The following CAST variants were observed in gnomAD, a reference collection of about 807,000 sequenced individuals.
CAST encodes MIR583 host.
Under a neutral mutation model 119.6 loss-of-function variants are expected in CAST, and 76 were observed. The ratio of observed to expected loss-of-function variants is 0.64; its 90% CI spans 0.53 to 0.77. The LOEUF (loss-of-function observed/expected upper bound fraction) is 0.77. Among genes scored for constraint, CAST ranks in the 30% least tolerant of loss-of-function variants. CAST has a pLI of 0.00. For missense variants in CAST, 953 were observed against 946.5 expected (o/e 1.01, Z -0.09); for synonymous variants, 319 against 331.6 (o/e 0.96, Z 0.41).
At chr5:96,523,133 A>G (rs115694017), upstream of CAST, among the ~76,000 whole-genome samples, 446 of 152,282 alleles carry the variant, frequency 2.9e-3, 1 homozygote, top group African/African-American at 0.01. Flanking sequence ...ACCTCCATCC[A>G]TTGGCTCAGC....
At chr5:96,091,527 A>G in the CAST span, among the ~76,000 whole-genome samples, 2 of 91,542 alleles carry the variant, frequency 2.2e-5, no homozygotes, top group South Asian at 7.9e-4. Flanking sequence ...TTTTTTTGAG[A>G]TAGGGTCTTA....
At chr5:96,687,632 A>G (rs1384776127) in intron 2 of CAST, among the ~76,000 whole-genome samples, 1 of 152,194 alleles carries the variant, frequency 6.6e-6, no homozygotes, top group Non-Finnish European at 1.5e-5. Context: ...TCTCATTCCT[A>G]AATGATCTAA....
chr5:96,402,015 A>T, the CAST span, among the ~76,000 whole-genome samples: 1 of 152,202 alleles, frequency 6.6e-6, no homozygotes, highest in Admixed American at 6.5e-5. Flanking sequence ...GCATTATGTA[A>T]TAAGTAGATG....
chr5:96,708,308 C>T (rs1755427599), intron 3 of CAST, among the ~76,000 whole-genome samples: 1 of 152,096 alleles, frequency 6.6e-6, no homozygotes, highest in Non-Finnish European at 1.5e-5. Context: ...TGTTCCATCT[C>T]TTTATTTTTC....
chr5:96,611,174 A>G (rs1287386353), intron 1 of CAST, among the ~76,000 whole-genome samples: 1 of 152,226 alleles, frequency 6.6e-6, no homozygotes, highest in Admixed American at 6.5e-5. Context: ...TGGAACCAAC[A>G]GAGTCATAAT....
the CAST span, among the ~76,000 whole-genome samples, chr5:96,412,752 G>GTTTTTTTTTTGTTGTTTTT: frequency 5.6e-5 from 4 of 71,832 alleles, no homozygotes; most frequent in African/African-American, 2.7e-4. Flanking sequence ...CAGCTGTGAT[G>GTTTTTTTTTTGTTGTTTTT]TTTTTTTTTT....
chr5:96,336,202 A>G, the CAST span, among the ~76,000 whole-genome samples: 21 of 151,642 alleles, frequency 1.4e-4, no homozygotes, highest in Non-Finnish European at 2.7e-4. Context: ...CCCTATTTTG[A>G]CTCCAACTCT....
At chr5:96,259,606 G>A in the CAST span, among the ~76,000 whole-genome samples, 2 of 152,266 alleles carry the variant, frequency 1.3e-5, no homozygotes, top group South Asian at 4.1e-4. Context: ...CGATCACAGT[G>A]AGCCCTGTTC....
chr5:96,489,391 A>G, the CAST span, among the ~76,000 whole-genome samples: 1 of 149,548 alleles, frequency 6.7e-6, no homozygotes, highest in African/African-American at 2.4e-5. Context: ...ATGCACAACC[A>G]CAGAGAGTGA....
At chr5:96,188,637 C>G in the CAST span, among the ~76,000 whole-genome samples, 15 of 152,104 alleles carry the variant, frequency 9.9e-5, no homozygotes, top group African/African-American at 3.4e-4. Flanking sequence ...TTCCCTCCCC[C>G]CTTTAATATC....
At chr5:96,162,537 C>A in the CAST span, among the ~76,000 whole-genome samples, 1 of 152,124 alleles carries the variant, frequency 6.6e-6, no homozygotes, top group Non-Finnish European at 1.5e-5. Flanking sequence ...CCTGCCTTAG[C>A]CTCCTGAGTA....
chr5:96,529,708 T>A, upstream of CAST: 1 of 331,142 alleles, frequency 3.0e-6, no homozygotes, highest in Non-Finnish European at 6.0e-6. Flanking sequence ...GTGGGGGCAG[T>A]TTCCCCCATC....
At chr5:96,198,171 G>A in the CAST span, among the ~76,000 whole-genome samples, 1 of 152,136 alleles carries the variant, frequency 6.6e-6, no homozygotes, top group Admixed American at 6.5e-5. Context: ...ATGGGCTGAT[G>A]AGAGACTGGT....
chr5:96,152,430 G>A, the CAST span, among the ~76,000 whole-genome samples: 1 of 152,174 alleles, frequency 6.6e-6, no homozygotes, highest in African/African-American at 2.4e-5. Flanking sequence ...CTCTACCAGG[G>A]AATGGAGCAT....
the CAST span, among the ~76,000 whole-genome samples, chr5:96,477,272 G>A: frequency 6.7e-6 from 1 of 148,760 alleles, no homozygotes; most frequent in African/African-American, 2.5e-5. Flanking sequence ...AAGATGCAAG[G>A]TAGAGAGAAA....
At chr5:96,048,126 A>G in the CAST span, among the ~76,000 whole-genome samples, 1 of 152,162 alleles carries the variant, frequency 6.6e-6, no homozygotes, top group African/African-American at 2.4e-5. Context: ...AAGTGCTTGG[A>G]ATATTTAAGT....
the CAST span, among the ~76,000 whole-genome samples, chr5:96,128,013 A>G: frequency 6.6e-5 from 10 of 152,212 alleles, no homozygotes; most frequent in South Asian, 8.3e-4. Context: ...ATGAGTTTCT[A>G]TGTCCTTGAG....
the CAST span, among the ~76,000 whole-genome samples, chr5:96,355,261 G>T: frequency 3.7e-4 from 54 of 145,234 alleles, no homozygotes; most frequent in Middle Eastern, 0.014. Context: ...ACTCCCACTT[G>T]TGAGTGAGAA....
At chr5:96,008,563 T>C in the CAST span, among the ~76,000 whole-genome samples, 6 of 152,178 alleles carry the variant, frequency 3.9e-5, no homozygotes, top group Admixed American at 3.9e-4. Context: ...CTTTAATCTA[T>C]GTGGTTGAAG....
Sources: allele counts gnomAD v4.1 joint callset (sites outside exome capture counted in the v4.1 genomes callset), GRCh38; gene constraint gnomAD v4.1.1; transcripts MANE v1.5; gene names NCBI Gene and HGNC (gene_info 2026-07-23, HGNC 2026-07-21).